Variants in CENPE observed in about 807,000 individuals in gnomAD.
The protein encoded by CENPE is centromere-associated protein E.
A neutral mutation model predicts 336.1 loss-of-function variants in CENPE; 145 were observed. That is an observed-to-expected ratio of 0.43 (90% CI 0.38 to 0.50). The LOEUF (loss-of-function observed/expected upper bound fraction) is 0.50, where lower values mean the gene tolerates loss of function less well. Among genes scored for constraint, CENPE ranks in the 20% least tolerant of loss-of-function variants. The probability of loss-of-function intolerance (pLI) is 0.00; values close to 1 mark genes in which losing one functional copy is unlikely to be tolerated. For synonymous variants in CENPE, 1,013 were observed against 984.8 expected (o/e 1.03, Z -0.54); for missense variants, 2,719 against 3,023.3 (o/e 0.90, Z 2.36).
At chr4:103,173,525 G>A (rs1755586703) in intron 16 of CENPE, among the ~76,000 whole-genome samples, 1 of 112,700 alleles carries the variant, frequency 8.9e-6, no homozygotes, top group African/African-American at 2.8e-5. Context: ...ACAACTAAAG[G>A]CAAAGGAAAT....
In CENPE at chr4:103,161,108, A is replaced by G; in HGVS notation, c.2109T>C (p.Leu703=). 6.2e-7 allele frequency: 1 copy of G among 1,601,570 alleles called. No homozygotes were observed. Among genetic ancestry groups the G allele is most frequent in the Non-Finnish European group, 8.5e-7 (1 of 1,176,018 alleles). The change falls in exon 20 of 49, where the codon CTT becomes CTC. Residue 703 remains leucine, a synonymous_variant. Transcript: ENST00000265148. ...AFNEITKLTS[L]IDGKVPKDLL... Reference sequence around the variant, plus strand: ...TACCTTTTGGAACTTTGCCATCTATAAGGGAGGTGAGTTTTGTTATCTCAT... The same window carrying G: ...TACCTTTTGGAACTTTGCCATCTATGAGGGAGGTGAGTTTTGTTATCTCAT...
At position 103,144,334 on chromosome 4, in the gene CENPE, A is replaced by C. The variant is rs751248038; in HGVS notation, c.5142T>G (p.Thr1714=). The change falls in exon 33 of 49, where the codon ACT becomes ACG. Residue 1714 remains threonine (T), a synonymous_variant. Coordinates refer to ENST00000265148, the MANE Select transcript of CENPE (RefSeq NM_001813.3). ...GTGTAGAGAGATGGTAACTCACTCT[A>C]GTTATAGTTTCTCTAAGGTTTTCCT... The part of the protein sequence containing the change: ...QLKENLRETI[T]RDLEKQEELK... 1 of 1,600,412 alleles carries C rather than the reference A, an allele frequency of 6.2e-7. No homozygotes were observed. The highest frequency in any genetic ancestry group is 8.5e-7 in the Non-Finnish European group (1 of 1,175,250).
chr4:103,122,341 G>T (rs186228752), intron 43 of CENPE, among the ~76,000 whole-genome samples: 135 of 152,202 alleles, frequency 8.9e-4, no homozygotes, highest in African/African-American at 3.1e-3. Context: ...CCCGAGTAAG[G>T]GTAGTTAATA....
At chr4:103,183,837 T>C (rs1178250162) in intron 9 of CENPE, among the ~76,000 whole-genome samples, 1 of 152,188 alleles carries the variant, frequency 6.6e-6, no homozygotes, top group Non-Finnish European at 1.5e-5. Context: ...TCGTATGTAT[T>C]TATTTCCTTC....
intron 48 of CENPE, among the ~76,000 whole-genome samples, chr4:103,106,527 C>T (rs1004578957): frequency 1.3e-5 from 2 of 152,138 alleles, no homozygotes; most frequent in Non-Finnish European, 2.9e-5. Context: ...AACTATTAGA[C>T]AAACCATAGT....
At chr4:103,109,147 T>A (rs1749167979) in intron 47 of CENPE, 58 bp from the exon 48 acceptor site, 1 of 1,306,842 alleles carries the variant, frequency 7.7e-7, no homozygotes, top group Admixed American at 2.5e-5. Flanking sequence ...TAAGATGTAT[T>A]CACATTTATA....
In CENPE at chr4:103,153,188, A is replaced by G. The variant is rs139386384; in HGVS notation, c.3096T>C (p.Asp1032=). 10 of 1,612,946 alleles carry G rather than the reference A, an allele frequency of 6.2e-6. No individual in the cohort carries two copies. The African/African-American group carries it at 1.3e-4, about 22-fold the overall frequency. ...GCTCAATTATCTCATTATCCTTAAC[A>G]TCTGCAGTTAGTGTTTGGGTATTTT... The part of the protein sequence containing the change: ...EAKNTQTLTA[D]VKDNEIIEQQ... The change falls in exon 25 of 49, where the codon GAT becomes GAC. Residue 1032 remains aspartate, a synonymous_variant. Transcript: ENST00000265148.
intron 29 of CENPE, among the ~76,000 whole-genome samples, chr4:103,146,691 C>T (rs1753083393): frequency 6.6e-6 from 1 of 152,102 alleles, no homozygotes; most frequent in Non-Finnish European, 1.5e-5. Flanking sequence ...CATAAAGGAT[C>T]CTGGTCTTTA....
intron 44 of CENPE, among the ~76,000 whole-genome samples, chr4:103,118,388 T>C (rs75153789): frequency 0.011 from 1,637 of 152,342 alleles, 22 homozygotes; most frequent in African/African-American, 0.034. Context: ...GATTGGTTGT[T>C]TCCTATTGTT....
At chr4:103,145,776 T>G in intron 30 of CENPE, 53 bp downstream of exon 30, 1 of 1,531,322 alleles carries the variant, frequency 6.5e-7, no homozygotes, top group Non-Finnish European at 8.8e-7. Context: ...GGGTTTATAA[T>G]AATATTTGGT....
chr4:103,127,107 A>AC (rs1265418326), intron 42 of CENPE, among the ~76,000 whole-genome samples: 34 of 150,942 alleles, frequency 2.3e-4, no homozygotes, highest in African/African-American at 6.3e-4. Context: ...TAAAAAAAAA[A>AC]AAAAACCAAA....
chr4:103,143,342 A>G lies in CENPE; in HGVS notation c.5210T>C (p.Ile1737Thr), dbSNP rs749987108. Residue 1737 changes from isoleucine (I) to threonine (T), a missense_variant, in exon 34 of 49, where the codon ATT becomes ACT. Ile to Thr is a moderately conservative substitution (Grantham distance 89). This residue lies in a region of CENPE where 2,437 missense variants were observed against 2,513.3 expected (regional missense o/e 0.97). Coordinates refer to ENST00000265148, the MANE Select transcript of CENPE (RefSeq NM_001813.3). ...HMHLKEHQET[I>T]DKLRGIVSEK... is the part of the protein sequence containing the mutation. ...TGAAACAATCCCTCTTAGTTTATCA[A>G]TAGTTTCTTGGTGCTCCTTCAGATG... 1.6e-5 allele frequency: 25 copies of G among 1,608,292 alleles called. No individual in the cohort carries two copies. The South Asian group carries it at 2.2e-4, about 14-fold the overall frequency.
chr4:103,110,947 G>A lies in CENPE; in HGVS notation c.7605C>T (p.Gly2535=). The change falls in exon 47 of 49, where the codon GGC becomes GGT. Residue 2535 remains glycine (G), a synonymous_variant. Coordinates refer to ENST00000265148, the MANE Select transcript of CENPE (RefSeq NM_001813.3). The part of the protein sequence containing the change: ...NKPLTCGGGS[G]IVQNTKALIL... ...TAAGAGCTTTTGTGTTTTGTACAATGCCGCTGCCACCTCCACAAGTTAAGG... is the reference window on the plus strand; with the variant it reads ...TAAGAGCTTTTGTGTTTTGTACAATACCGCTGCCACCTCCACAAGTTAAGG... 6.2e-7 allele frequency: 1 copy of A among 1,612,104 alleles called. No homozygotes were observed. Among genetic ancestry groups the A allele is most frequent in the Non-Finnish European group, 8.5e-7 (1 of 1,178,972 alleles).
At chr4:103,117,919 C>T (rs576968053) in intron 44 of CENPE, among the ~76,000 whole-genome samples, 14 of 152,162 alleles carry the variant, frequency 9.2e-5, no homozygotes, top group East Asian at 5.8e-4. Context: ...TGAGCCACTG[C>T]GCCCAGCCCT....
chr4:103,161,529 T>G, intron 18 of CENPE, 72 bp from the exon 19 acceptor site: 1 of 1,355,824 alleles, frequency 7.4e-7, no homozygotes, highest in South Asian at 1.9e-5. Flanking sequence ...AGAGAACATG[T>G]ATATAAATGT....
At chr4:103,179,998 GAA>G (rs1756197004) in intron 13 of CENPE, among the ~76,000 whole-genome samples, 1 of 152,112 alleles carries the variant, frequency 6.6e-6, no homozygotes, top group African/African-American at 2.4e-5. Context: ...TGTTTAAGTA[GAA>G]AATAATATTT....
Position 103,145,927 on chromosome 4 carries a change from A to G in CENPE, c.4315T>C (p.Ser1439Pro). 3 of 1,613,820 alleles carry G rather than the reference A, an allele frequency of 1.9e-6. No homozygotes were observed. The highest frequency in any genetic ancestry group is 8.5e-7 in the Non-Finnish European group (1 of 1,179,896). Residue 1439 changes from serine (S) to proline (P), a missense_variant, in exon 30 of 49, where the codon TCT (serine) becomes CCT (proline). Ser to Pro is a moderately conservative substitution (Grantham distance 74). Around this residue, in one of 5 missense-constraint regions of CENPE, gnomAD observed 2,437 missense variants for 2,513.3 expected, o/e 0.97. Coordinates refer to ENST00000265148, the MANE Select transcript of CENPE (RefSeq NM_001813.3). Reference sequence around the variant, plus strand: ...AGGTCATCTTTCTCCTTAGCTACAGATTTCATTTCATCATGACTTTCTTGA... The same window carrying G: ...AGGTCATCTTTCTCCTTAGCTACAGGTTTCATTTCATCATGACTTTCTTGA... Reference protein sequence around the residue: ...RLQESHDEMKSVAKEKDDLQR... With the variant: ...RLQESHDEMKPVAKEKDDLQR...
chr4:103,179,332 A>G (rs1756139774), intron 13 of CENPE, among the ~76,000 whole-genome samples: 1 of 152,212 alleles, frequency 6.6e-6, no homozygotes, highest in East Asian at 1.9e-4. Context: ...CTTTGTTGTT[A>G]GCAAAACATC....
intron 40 of CENPE, among the ~76,000 whole-genome samples, chr4:103,134,306 T>C (rs1190806928): frequency 1.3e-5 from 2 of 152,108 alleles, no homozygotes; most frequent in African/African-American, 2.4e-5. Context: ...CCAACGCTGA[T>C]TGGGTAACCA....
Sources: allele counts gnomAD v4.1 joint callset (sites outside exome capture counted in the v4.1 genomes callset), GRCh38; gene constraint gnomAD v4.1.1; regional missense constraint gnomAD v4.1.1; transcripts MANE v1.5; gene names NCBI Gene and HGNC (gene_info 2026-07-23, HGNC 2026-07-21).